The following VRK2 variants were observed in gnomAD, a reference collection of about 807,000 sequenced individuals.
The protein encoded by VRK2 is serine/threonine-protein kinase VRK2.
VRK2 carries 60 observed loss-of-function variants against 57.6 expected under a neutral mutation model. The observed-to-expected ratio is 1.04, with a 90% CI of 0.85 to 1.29. VRK2 has a LOEUF of 1.29. Among genes scored for constraint, VRK2 ranks in the 50% most tolerant of loss-of-function variants. VRK2 has a pLI of 0.00. For missense variants in VRK2, 705 were observed against 588.1 expected, an observed-to-expected ratio of 1.20 and a Z score of -2.06; for synonymous variants, 231 against 199.2, an observed-to-expected ratio of 1.16 and a Z score of -1.35.
chr2:58,148,258 A>G (rs80171731), intron 12 of VRK2, among the ~76,000 whole-genome samples: 1,756 of 151,888 alleles, frequency 0.012, 26 homozygotes, highest in African/African-American at 0.035. Flanking sequence ...TGCGTTTCCA[A>G]TTATTCACCT....
chr2:58,143,810 A>G (rs545165986), intron 11 of VRK2, among the ~76,000 whole-genome samples: 2 of 151,998 alleles, frequency 1.3e-5, no homozygotes, highest in South Asian at 2.1e-4. Flanking sequence ...ACAATAATCA[A>G]GATACAGCAC....
At chr2:57,995,262 T>C (rs1672889730) in intron 1 of VRK2, among the ~76,000 whole-genome samples, 1 of 152,208 alleles carries the variant, frequency 6.6e-6, no homozygotes, top group Admixed American at 6.5e-5. Context: ...TGGAAAATAA[T>C]GGCTCACTGA....
At chr2:58,063,936 CTT>C (rs537003651) in intron 2 of VRK2, among the ~76,000 whole-genome samples, 4 of 152,082 alleles carry the variant, frequency 2.6e-5, no homozygotes, top group Non-Finnish European at 5.9e-5. Flanking sequence ...TTGTGGGTGA[CTT>C]TGCGGGGTTC....
chr2:58,059,188 A>T (rs1676972735), intron 2 of VRK2, among the ~76,000 whole-genome samples: 1 of 152,062 alleles, frequency 6.6e-6, no homozygotes, highest in Non-Finnish European at 1.5e-5. Flanking sequence ...CAATTACATT[A>T]AAAATGTACC....
At chr2:57,954,996 T>C (rs1311753889) in intron 1 of VRK2, among the ~76,000 whole-genome samples, 1 of 152,108 alleles carries the variant, frequency 6.6e-6, no homozygotes, top group Admixed American at 6.6e-5. Flanking sequence ...ATAGATATGG[T>C]GGACTATTAA....
intron 1 of VRK2, among the ~76,000 whole-genome samples, chr2:57,995,253 G>A (rs1672889431): frequency 1.3e-5 from 2 of 152,028 alleles, no homozygotes; most frequent in South Asian, 2.1e-4. Flanking sequence ...CTAGTCGTTT[G>A]GAAAATAATG....
intron 7 of VRK2, among the ~76,000 whole-genome samples, chr2:58,120,034 C>T (rs576983572): frequency 1.3e-5 from 2 of 151,868 alleles, no homozygotes; most frequent in African/African-American, 2.4e-5. Flanking sequence ...GGAGAGATTT[C>T]TTTCTTAGAG....
chr2:57,921,849 C>G (rs1444170518), intron 1 of VRK2, among the ~76,000 whole-genome samples: 2 of 152,086 alleles, frequency 1.3e-5, no homozygotes, highest in Non-Finnish European at 2.9e-5. Context: ...TTTCATTTAG[C>G]ACATATTCTC....
intron 8 of VRK2, among the ~76,000 whole-genome samples, chr2:58,124,659 C>T (rs1390680137): frequency 6.6e-6 from 1 of 152,094 alleles, no homozygotes; most frequent in African/African-American, 2.4e-5. Context: ...GGACCATTGA[C>T]CATGTAATGT....
intron 1 of VRK2, among the ~76,000 whole-genome samples, chr2:58,021,151 G>T (rs1050545378): frequency 2.6e-5 from 4 of 151,980 alleles, no homozygotes; most frequent in African/African-American, 9.7e-5. Context: ...TACTTTTTGT[G>T]GGAAAAAATC....
chr2:57,948,215 T>C (rs899807380), intron 1 of VRK2, among the ~76,000 whole-genome samples: 4 of 152,180 alleles, frequency 2.6e-5, no homozygotes, highest in African/African-American at 9.6e-5. Context: ...CACTGAAATA[T>C]TATGTAAGTA....
chr2:58,143,864 G>A (rs749526918), intron 11 of VRK2, among the ~76,000 whole-genome samples: 3 of 151,522 alleles, frequency 2.0e-5, no homozygotes, highest in Non-Finnish European at 4.4e-5. Flanking sequence ...AGTGTGGTCC[G>A]TAACCACAAT....
intron 2 of VRK2, among the ~76,000 whole-genome samples, chr2:58,078,330 A>G (rs7574694): frequency 0.061 from 9,245 of 151,976 alleles, 952 homozygotes; most frequent in African/African-American, 0.21. Context: ...ATGTGACATG[A>G]TTTCCTTCTT....
At chr2:57,957,429 T>C (rs1671620261) in intron 1 of VRK2, among the ~76,000 whole-genome samples, 1 of 151,966 alleles carries the variant, frequency 6.6e-6, no homozygotes, top group South Asian at 2.1e-4. Flanking sequence ...ACTTGTAACA[T>C]GTAAAAATCA....
intron 11 of VRK2, among the ~76,000 whole-genome samples, chr2:58,140,880 A>G (rs1043830397): frequency 1.3e-5 from 2 of 152,184 alleles, no homozygotes; most frequent in Middle Eastern, 3.4e-3. Flanking sequence ...ATCATTCCTA[A>G]TAGAAGAGAA....
rs962585465 is a variant in VRK2, at chr2:58,147,460, A to G, written c.1182+986A>G. ...AATTAAAGACAAATCGTGCTTGGTGACAAAACTTAGAGATTCTAAAAATCT... is the reference window on the plus strand; with the variant it reads ...AATTAAAGACAAATCGTGCTTGGTGGCAAAACTTAGAGATTCTAAAAATCT... On this transcript the variant is annotated intron_variant, in intron 12 of 12. Coordinates refer to ENST00000340157, the MANE Select transcript of VRK2 (RefSeq NM_006296.7). 1.9e-4 allele frequency among the ~76,000 whole-genome samples: 29 copies of G among 152,066 alleles called. 2 individuals are homozygous for G. The highest frequency in any genetic ancestry group is 1.2e-3 in the Admixed American group (18 of 15,226).
intron 1 of VRK2, among the ~76,000 whole-genome samples, chr2:58,015,993 T>G (rs750822255): frequency 1.1e-4 from 17 of 152,174 alleles, no homozygotes; most frequent in Non-Finnish European, 2.4e-4. Context: ...CTCAGGTAAA[T>G]TTCTTCAAAT....
chr2:58,016,335 G>C (rs1160261120), intron 1 of VRK2, among the ~76,000 whole-genome samples: 2 of 151,220 alleles, frequency 1.3e-5, no homozygotes, highest in Non-Finnish European at 2.9e-5. Flanking sequence ...ATTCTCCATT[G>C]TATGTTTTAA....
chr2:58,007,837 GATA>G (rs1424567812), intron 1 of VRK2, among the ~76,000 whole-genome samples: 2 of 152,148 alleles, frequency 1.3e-5, no homozygotes, highest in East Asian at 3.9e-4. Flanking sequence ...GACAGCTACT[GATA>G]ATAAAAGTTT....
Sources: allele counts gnomAD v4.1 joint callset (sites outside exome capture counted in the v4.1 genomes callset), GRCh38; gene constraint gnomAD v4.1.1; transcripts MANE v1.5; gene names NCBI Gene and HGNC (gene_info 2026-07-23, HGNC 2026-07-21).